The following THSD4 variants were observed in gnomAD, a reference collection of about 807,000 sequenced individuals.
The protein encoded by THSD4 is thrombospondin type 1 domain containing 4.
In THSD4, 69 loss-of-function variants were observed where a neutral mutation model predicts 119.0. The observed-to-expected ratio is 0.58, with a 90% CI of 0.48 to 0.71. The LOEUF (loss-of-function observed/expected upper bound fraction) is 0.71, where lower values mean the gene tolerates loss of function less well. THSD4 is among the 30% of genes least tolerant of loss of function. The probability of loss-of-function intolerance (pLI) is 0.00; values close to 1 mark genes in which losing one functional copy is unlikely to be tolerated. For synonymous variants in THSD4, 524 were observed against 540.4 expected (o/e 0.97, Z 0.42); for missense variants, 1,393 against 1,391.1 (o/e 1.00, Z -0.02).
intron 6 of THSD4, among the ~76,000 whole-genome samples, chr15:71,278,484 C>T (rs1288376082): frequency 1.3e-5 from 2 of 152,210 alleles, no homozygotes; most frequent in Admixed American, 1.3e-4. Flanking sequence ...TAATAACTCA[C>T]TTGTAGCTCT....
chr15:71,541,468 G>A (rs922513137), intron 7 of THSD4, among the ~76,000 whole-genome samples: 7 of 152,166 alleles, frequency 4.6e-5, no homozygotes, highest in African/African-American at 1.4e-4. Context: ...GGTAACCATT[G>A]TTGGTAGTCT....
chr15:71,338,008 T>C (rs1470759076), intron 6 of THSD4, among the ~76,000 whole-genome samples: 1 of 152,300 alleles, frequency 6.6e-6, no homozygotes, highest in East Asian at 1.9e-4. Flanking sequence ...AAATGCCTTG[T>C]TGTACCTAGA....
At chr15:71,317,392 C>T (rs950081690) in intron 6 of THSD4, among the ~76,000 whole-genome samples, 1 of 152,162 alleles carries the variant, frequency 6.6e-6, no homozygotes, top group Non-Finnish European at 1.5e-5. Flanking sequence ...GGAGGCTTCA[C>T]AGTAATGGCA....
In THSD4 at chr15:71,242,724, A is replaced by G. The variant is rs1374877613; in HGVS notation, c.540A>G (p.Thr180=). ...CCCCATATATCTTACCACTGCAGAC[A>G]GACACTGCACACACGCCACAGAGGC... The part of the protein sequence containing the change: ...GKAPYILPLQ[T]DTAHTPQRLR... Residue 180 remains threonine, a synonymous_variant, in exon 5 of 18, where the codon ACA becomes ACG. Transcript: ENST00000261862. 2.5e-6 allele frequency: 4 copies of G among 1,614,202 alleles called. No individual in the cohort carries two copies. The highest frequency in any genetic ancestry group is 3.4e-6 in the Non-Finnish European group (4 of 1,180,028).
At chr15:71,113,824 T>C (rs1265361629), upstream of THSD4, 2 of 152,256 alleles carry the variant, frequency 1.3e-5, no homozygotes, top group Non-Finnish European at 2.9e-5. Context: ...TTTTGCTTTT[T>C]TAAAATTATG....
chr15:71,545,271 G>A (rs1303539492), intron 7 of THSD4, among the ~76,000 whole-genome samples: 1 of 152,190 alleles, frequency 6.6e-6, no homozygotes, highest in African/African-American at 2.4e-5. Flanking sequence ...GGCCATTGGT[G>A]ACCTTTCCAG....
At chr15:71,209,678 A>C (rs1401551779) in intron 3 of THSD4, among the ~76,000 whole-genome samples, 4 of 151,952 alleles carry the variant, frequency 2.6e-5, no homozygotes, top group Admixed American at 2.0e-4. Context: ...TTTACCCTAG[A>C]TTTTCTTAGG....
intron 8 of THSD4, among the ~76,000 whole-genome samples, chr15:71,679,429 G>T (rs543303341): frequency 1.4e-4 from 21 of 152,308 alleles, no homozygotes; most frequent in Non-Finnish European, 2.6e-4. Context: ...ATGAATGGGG[G>T]TGCCTATGCT....
At chr15:71,192,881 A>G (rs2043685167) in intron 3 of THSD4, among the ~76,000 whole-genome samples, 2 of 152,078 alleles carry the variant, frequency 1.3e-5, no homozygotes, top group Admixed American at 6.6e-5. Flanking sequence ...AGCCCTCTGC[A>G]CAGCTGTAAT....
At chr15:71,566,831 C>T (rs2049250476) in intron 7 of THSD4, among the ~76,000 whole-genome samples, 1 of 151,830 alleles carries the variant, frequency 6.6e-6, no homozygotes, top group Non-Finnish European at 1.5e-5. Context: ...CCATGGGGCA[C>T]CTCCCTGTCT....
At chr15:71,131,414 C>T (rs866787072) in intron 1 of THSD4, among the ~76,000 whole-genome samples, 5 of 151,348 alleles carry the variant, frequency 3.3e-5, no homozygotes, top group African/African-American at 1.2e-4. Flanking sequence ...CATTTCAAAA[C>T]ATGGCCGGGC....
chr15:71,662,257 G>T (rs2051324689), intron 8 of THSD4, among the ~76,000 whole-genome samples: 1 of 5,062 alleles, frequency 2.0e-4, no homozygotes, highest in African/African-American at 2.5e-4. Flanking sequence ...AAACTAAGTG[G>T]TTTTACGGGG....
chr15:71,097,729 T>TA (rs60101087), intron 1 of THSD4, among the ~76,000 whole-genome samples: 18,935 of 91,766 alleles, frequency 0.21, 1,384 homozygotes, highest in Admixed American at 0.29. Flanking sequence ...TATATATATA[T>TA]TTTTTTTTTT....
chr15:71,587,057 T>A (rs1273704748), intron 7 of THSD4, among the ~76,000 whole-genome samples: 1 of 151,618 alleles, frequency 6.6e-6, no homozygotes, highest in Non-Finnish European at 1.5e-5. Flanking sequence ...GAAATGCAAA[T>A]CAAAACCACT....
At chr15:71,487,248 ATC>A (rs763024582) in intron 7 of THSD4, among the ~76,000 whole-genome samples, 37 of 152,192 alleles carry the variant, frequency 2.4e-4, no homozygotes, top group Admixed American at 5.2e-4. Flanking sequence ...TATCCAACTT[ATC>A]TCTCTGTTTG....
intron 7 of THSD4, among the ~76,000 whole-genome samples, chr15:71,566,483 A>C (rs1344125805): frequency 1.3e-5 from 2 of 152,130 alleles, no homozygotes; most frequent in African/African-American, 4.8e-5. Flanking sequence ...GGGGGTAGAC[A>C]GATAACTAGC....
At chr15:71,120,030 T>C (rs2141352168) in intron 1 of THSD4, among the ~76,000 whole-genome samples, 1 of 152,334 alleles carries the variant, frequency 6.6e-6, no homozygotes, top group Middle Eastern at 3.4e-3. Context: ...GCCTGATCAG[T>C]GCTTGAGACA....
intron 8 of THSD4, among the ~76,000 whole-genome samples, chr15:71,673,483 A>C (rs186268225): frequency 2.0e-5 from 3 of 151,950 alleles, no homozygotes; most frequent in African/African-American, 7.2e-5. Context: ...TTGTGTCTCT[A>C]TCTCCTTCAG....
intron 11 of THSD4, among the ~76,000 whole-genome samples, chr15:71,740,069 G>A (rs1247922622): frequency 2.0e-5 from 3 of 152,058 alleles, no homozygotes; most frequent in South Asian, 2.1e-4. Flanking sequence ...TAATGATTTG[G>A]TAACTGGAGT....
Sources: allele counts gnomAD v4.1 joint callset (sites outside exome capture counted in the v4.1 genomes callset), GRCh38; gene constraint gnomAD v4.1.1; transcripts MANE v1.5; gene names NCBI Gene and HGNC (gene_info 2026-07-23, HGNC 2026-07-21).